The following HS3ST5 variants were observed in gnomAD, a reference collection of about 807,000 sequenced individuals.
HS3ST5 encodes the protein heparan sulfate glucosamine 3-O-sulfotransferase 5.
In HS3ST5, 10 loss-of-function variants were observed where a neutral mutation model predicts 25.4. That is an observed-to-expected ratio of 0.39 (90% CI 0.24 to 0.67). The LOEUF (loss-of-function observed/expected upper bound fraction) is 0.67, where lower values mean the gene tolerates loss of function less well. HS3ST5 is among the 30% of genes least tolerant of loss of function. HS3ST5 has a pLI of 0.44. For missense variants in HS3ST5, 324 were observed against 420.7 expected (o/e 0.77, Z 2.01); for synonymous variants, 170 against 162.4 (o/e 1.05, Z -0.36).
At chr6:114,301,968 T>C (rs1775093729) in intron 1 of HS3ST5, among the ~76,000 whole-genome samples, 1 of 152,212 alleles carries the variant, frequency 6.6e-6, no homozygotes, top group African/African-American at 2.4e-5. Flanking sequence ...CGTGTATTTA[T>C]TAGATCTTCG....
intron 3 of HS3ST5, among the ~76,000 whole-genome samples, chr6:114,166,213 G>A (rs532421681): frequency 4.0e-4 from 61 of 151,984 alleles, no homozygotes; most frequent in African/African-American, 1.4e-3. Context: ...TCTGGACTTC[G>A]GTGTTGGGCT....
At chr6:114,171,676 A>AATTC (rs1387927420) in intron 2 of HS3ST5, among the ~76,000 whole-genome samples, 1 of 152,164 alleles carries the variant, frequency 6.6e-6, no homozygotes, top group African/African-American at 2.4e-5. Flanking sequence ...TCATACTTAT[A>AATTC]ATTCGTAAGT....
chr6:114,191,151 C>T (rs1186228489), intron 2 of HS3ST5, among the ~76,000 whole-genome samples: 1 of 152,136 alleles, frequency 6.6e-6, no homozygotes, highest in East Asian at 1.9e-4. Flanking sequence ...AAAAGGATCC[C>T]ACTGCATATA....
intron 1 of HS3ST5, among the ~76,000 whole-genome samples, chr6:114,252,748 G>A (rs1356210960): frequency 1.3e-5 from 2 of 152,190 alleles, no homozygotes; most frequent in Non-Finnish European, 2.9e-5. Context: ...GACAGGATGG[G>A]AACAGAAGTT....
intron 3 of HS3ST5, among the ~76,000 whole-genome samples, chr6:114,161,225 T>C (rs1024409035): frequency 4.6e-5 from 7 of 151,678 alleles, no homozygotes; most frequent in African/African-American, 1.7e-4. Flanking sequence ...GGTCCTCGGG[T>C]TTCTCATAAA....
At chr6:114,279,981 T>C (rs1004981076) in intron 1 of HS3ST5, among the ~76,000 whole-genome samples, 8 of 151,918 alleles carry the variant, frequency 5.3e-5, no homozygotes, top group Non-Finnish European at 8.8e-5. Flanking sequence ...TAATTCAGAA[T>C]GATAAATGGG....
At chr6:114,284,475 C>T (rs773029087) in intron 1 of HS3ST5, among the ~76,000 whole-genome samples, 1 of 151,920 alleles carries the variant, frequency 6.6e-6, no homozygotes, top group African/African-American at 2.4e-5. Flanking sequence ...GCCACAAGAT[C>T]TAGCCTTAGT....
At chr6:114,272,615 C>T (rs980101883) in intron 1 of HS3ST5, among the ~76,000 whole-genome samples, 2 of 152,124 alleles carry the variant, frequency 1.3e-5, no homozygotes, top group African/African-American at 2.4e-5. Flanking sequence ...TAGTCACTTA[C>T]TGCTAAGCCA....
intron 1 of HS3ST5, among the ~76,000 whole-genome samples, chr6:114,330,422 T>C (rs962620726): frequency 1.3e-5 from 2 of 152,200 alleles, no homozygotes; most frequent in Non-Finnish European, 2.9e-5. Context: ...TTCTGAGCTA[T>C]TATCATGATA....
intron 2 of HS3ST5, among the ~76,000 whole-genome samples, chr6:114,200,735 T>C (rs1780975173): frequency 6.6e-6 from 1 of 152,160 alleles, no homozygotes; most frequent in Non-Finnish European, 1.5e-5. Context: ...GTTTCAAATA[T>C]TTTTAAGATT....
chr6:114,289,349 G>A (rs1774472589), intron 1 of HS3ST5, among the ~76,000 whole-genome samples: 2 of 151,892 alleles, frequency 1.3e-5, no homozygotes, highest in African/African-American at 4.8e-5. Flanking sequence ...TGTACAGTTG[G>A]TTCATCCAAG....
intron 1 of HS3ST5, among the ~76,000 whole-genome samples, chr6:114,335,209 G>A (rs1409209332): frequency 2.0e-5 from 3 of 151,700 alleles, no homozygotes; most frequent in African/African-American, 2.4e-5. Context: ...AAATACTAAC[G>A]GCATATGTCC....
chr6:114,155,287 T>G (rs1369243200), intron 3 of HS3ST5, among the ~76,000 whole-genome samples: 3 of 152,058 alleles, frequency 2.0e-5, no homozygotes, highest in Admixed American at 6.5e-5. Context: ...CCTGTAGAGA[T>G]ATAAATAATA....
intron 1 of HS3ST5, among the ~76,000 whole-genome samples, chr6:114,330,022 CT>C (rs1257281033): frequency 6.6e-6 from 1 of 152,166 alleles, no homozygotes; most frequent in Non-Finnish European, 1.5e-5. Context: ...GCTACTCCCT[CT>C]TGGGTAAGAG....
At chr6:114,301,667 G>T (rs544159157) in intron 1 of HS3ST5, among the ~76,000 whole-genome samples, 23 of 152,176 alleles carry the variant, frequency 1.5e-4, no homozygotes, top group African/African-American at 5.3e-4. Context: ...CTGAATCCTT[G>T]ACCTGATCTC....
chr6:114,092,529 C>T (rs981890378), intron 3 of HS3ST5, among the ~76,000 whole-genome samples: 2 of 152,118 alleles, frequency 1.3e-5, no homozygotes, highest in Non-Finnish European at 2.9e-5. Flanking sequence ...GAAAGTCATG[C>T]AGACCTTATA....
intron 3 of HS3ST5, among the ~76,000 whole-genome samples, chr6:114,119,728 A>G (rs547957267): frequency 2.1e-4 from 32 of 152,334 alleles, no homozygotes; most frequent in African/African-American, 7.2e-4. Context: ...GGAGCCCTCA[A>G]TCTTTGCTGG....
intron 3 of HS3ST5, among the ~76,000 whole-genome samples, chr6:114,130,485 C>A (rs557944935): frequency 6.6e-6 from 1 of 152,302 alleles, no homozygotes; most frequent in East Asian, 1.9e-4. Flanking sequence ...TGCCTGTAAT[C>A]CCAGTGCTTT....
chr6:114,154,004 G>A (rs769967488), intron 3 of HS3ST5, among the ~76,000 whole-genome samples: 1 of 152,176 alleles, frequency 6.6e-6, no homozygotes, highest in East Asian at 1.9e-4. Flanking sequence ...AGAGGGTTTC[G>A]TGGGGAGCAG....
Sources: allele counts gnomAD v4.1 joint callset (sites outside exome capture counted in the v4.1 genomes callset), GRCh38; gene constraint gnomAD v4.1.1; transcripts MANE v1.5; gene names NCBI Gene and HGNC (gene_info 2026-07-23, HGNC 2026-07-21).